The following SORBS2 variants were observed in gnomAD, a reference collection of about 807,000 sequenced individuals.
SORBS2 encodes the protein sorbin and SH3 domain-containing protein 2.
SORBS2 carries 46 observed loss-of-function variants against 97.7 expected under a neutral mutation model. That is an observed-to-expected ratio of 0.47 (90% CI 0.37 to 0.60). The LOEUF is 0.60. SORBS2 is among the 20% of genes least tolerant of loss of function. The probability of loss-of-function intolerance (pLI) is 0.00; values close to 1 mark genes in which losing one functional copy is unlikely to be tolerated. For missense variants in SORBS2, 1,316 were observed against 1,282.3 expected (o/e 1.03, Z -0.40); for synonymous variants, 476 against 473.4 (o/e 1.01, Z -0.07).
At chr4:185,659,971 T>C (rs2097488994), upstream of SORBS2, among the ~76,000 whole-genome samples, 1 of 152,232 alleles carries the variant, frequency 6.6e-6, no homozygotes, top group Non-Finnish European at 1.5e-5. Context: ...ATTATTCTCA[T>C]ATATGGTCCA....
At chr4:185,592,828 G>C (rs1292471856) in intron 13 of SORBS2, 1 of 152,268 alleles carries the variant, frequency 6.6e-6, no homozygotes, top group African/African-American at 2.4e-5. Flanking sequence ...CAGGCATAGT[G>C]ACTGCACCTA....
intron 1 of SORBS2, among the ~76,000 whole-genome samples, chr4:185,792,920 AGTT>A (rs1369825996): frequency 6.6e-6 from 1 of 152,200 alleles, no homozygotes; most frequent in Non-Finnish European, 1.5e-5. Flanking sequence ...ACCCTGTGCA[AGTT>A]GTTTAACTTC....
chr4:185,678,540 T>G (rs1285894925), exon 4 of SORBS2: 10 of 1,541,128 alleles, frequency 6.5e-6, no homozygotes, highest in African/African-American at 1.4e-5. Flanking sequence ...CATTGTAAGA[T>G]CTCCAAGCTT....
At chr4:185,654,944 A>G (rs2097372757) in intron 1 of SORBS2, among the ~76,000 whole-genome samples, 2 of 152,386 alleles carry the variant, frequency 1.3e-5, no homozygotes, top group Admixed American at 1.3e-4. Context: ...ACATAGCAGT[A>G]TACAGTGACT....
intron 5 of SORBS2, among the ~76,000 whole-genome samples, chr4:185,627,246 T>C (rs374657999): frequency 1.3e-5 from 2 of 152,230 alleles, no homozygotes; most frequent in Non-Finnish European, 2.9e-5. Context: ...TCTGGCTCTG[T>C]CACCCAGGCT....
intron 4 of SORBS2, among the ~76,000 whole-genome samples, chr4:185,640,782 G>T (rs1424195840): frequency 6.6e-6 from 1 of 152,154 alleles, no homozygotes; most frequent in Non-Finnish European, 1.5e-5. Flanking sequence ...ACTGACAGGA[G>T]AGAGAATTTC....
intron 1 of SORBS2, among the ~76,000 whole-genome samples, chr4:185,803,024 C>T (rs1195495640): frequency 6.6e-6 from 1 of 152,190 alleles, no homozygotes; most frequent in Non-Finnish European, 1.5e-5. Context: ...CTAATTCCTA[C>T]TGAACTCAAA....
chr4:185,916,198 G>A (rs1460346134), intron 1 of SORBS2, among the ~76,000 whole-genome samples: 1 of 152,202 alleles, frequency 6.6e-6, no homozygotes, highest in Non-Finnish European at 1.5e-5. Flanking sequence ...ACTGAATTAG[G>A]AGGAATTTCA....
At chr4:185,614,797 C>A in intron 11 of SORBS2, 34 bp downstream of exon 23, 14 of 1,610,814 alleles carry the variant, frequency 8.7e-6, no homozygotes, top group African/African-American at 2.7e-5. Context: ...AACAAACAAA[C>A]AAAAACAAAC....
intron 1 of SORBS2, among the ~76,000 whole-genome samples, chr4:185,880,064 G>A (rs2099236090): frequency 1.3e-5 from 2 of 152,224 alleles, no homozygotes; most frequent in South Asian, 4.1e-4. Context: ...AATTATCCAT[G>A]ATTACGTAGC....
At chr4:185,658,692 CTTT>C (rs35439018), upstream of SORBS2, among the ~76,000 whole-genome samples, 7 of 115,978 alleles carry the variant, frequency 6.0e-5, no homozygotes, top group African/African-American at 6.4e-5. Flanking sequence ...AATAAGTAAG[CTTT>C]TTTTTTTTTT....
intron 1 of SORBS2, among the ~76,000 whole-genome samples, chr4:185,838,099 G>T (rs1159911859): frequency 6.6e-6 from 1 of 152,218 alleles, no homozygotes; most frequent in Non-Finnish European, 1.5e-5. Context: ...CTAAGTTTGT[G>T]TTGTTTATAA....
intron 2 of SORBS2, among the ~76,000 whole-genome samples, chr4:185,763,861 C>T (rs544229724): frequency 1.3e-4 from 20 of 152,206 alleles, no homozygotes; most frequent in South Asian, 1.0e-3. Context: ...TACCAGCTTT[C>T]GCATTTTAGC....
chr4:185,680,349 C>T (rs2097851948), intron 2 of SORBS2, among the ~76,000 whole-genome samples: 3 of 152,184 alleles, frequency 2.0e-5, no homozygotes, highest in Middle Eastern at 3.4e-3. Flanking sequence ...GATTGAAATT[C>T]TTAATCAGCT....
chr4:185,882,281 A>G (rs569544913), intron 1 of SORBS2, among the ~76,000 whole-genome samples: 24 of 152,192 alleles, frequency 1.6e-4, no homozygotes, highest in Non-Finnish European at 2.8e-4. Flanking sequence ...ACAAAAGTCC[A>G]TTGTATTTCT....
At chr4:185,608,449 C>G (rs2096471961) in intron 12 of SORBS2, among the ~76,000 whole-genome samples, 1 of 152,158 alleles carries the variant, frequency 6.6e-6, no homozygotes, top group South Asian at 2.1e-4. Flanking sequence ...TCTTTCAAAG[C>G]TTGACATTTA....
chr4:185,874,842 G>T (rs200593294), intron 1 of SORBS2, among the ~76,000 whole-genome samples: 1 of 144,586 alleles, frequency 6.9e-6, no homozygotes. Context: ...ACTATTATTG[G>T]TTTTACCTTA....
At chr4:185,866,647 A>G (rs185776790) in intron 1 of SORBS2, among the ~76,000 whole-genome samples, 2 of 152,350 alleles carry the variant, frequency 1.3e-5, no homozygotes, top group African/African-American at 4.8e-5. Context: ...TTTTTTCTCC[A>G]TCTCAAAATT....
intron 14 of SORBS2, chr4:185,589,281 C>T (rs1371826816): frequency 6.0e-6 from 1 of 166,394 alleles, no homozygotes; most frequent in African/African-American, 2.4e-5. Context: ...AACGGGAGAG[C>T]TGTTCACTTA....
Sources: allele counts gnomAD v4.1 joint callset (sites outside exome capture counted in the v4.1 genomes callset), GRCh38; gene constraint gnomAD v4.1.1; transcripts MANE v1.5; gene names NCBI Gene and HGNC (gene_info 2026-07-23, HGNC 2026-07-21).